Variants in TPO observed in about 807,000 individuals in gnomAD.
The protein encoded by TPO is thyroid peroxidase, also known as thyroid microsomal antigen.
Under a neutral mutation model 96.9 loss-of-function variants are expected in TPO, and 78 were observed. That is an observed-to-expected ratio of 0.81 (90% CI 0.67 to 0.97). The LOEUF (loss-of-function observed/expected upper bound fraction) is 0.97, where lower values mean the gene tolerates loss of function less well. TPO is among the 50% of genes least tolerant of loss of function. The probability of loss-of-function intolerance (pLI) is 0.00; values close to 1 mark genes in which losing one functional copy is unlikely to be tolerated. For missense variants in TPO, 1,252 were observed against 1,274.8 expected (o/e 0.98, Z 0.27); for synonymous variants, 547 against 538.0 (o/e 1.02, Z -0.23).
chr2:1,486,783 C>G (rs899087180), intron 9 of TPO, among the ~76,000 whole-genome samples: 1 of 151,630 alleles, frequency 6.6e-6, no homozygotes, highest in South Asian at 2.1e-4. Context: ...AAAAGTTGAC[C>G]GGCTCCAGGC....
chr2:1,477,750 G>T (rs939793941), intron 8 of TPO, 146 bp downstream of exon 8: 50 of 1,369,020 alleles, frequency 3.7e-5, no homozygotes, highest in Non-Finnish European at 4.6e-5. Flanking sequence ...AGGTCGTGGG[G>T]CCCTGTGTGG....
intron 15 of TPO, among the ~76,000 whole-genome samples, chr2:1,540,114 T>G (rs2125348878): frequency 1.3e-5 from 2 of 152,258 alleles, no homozygotes; most frequent in East Asian, 1.9e-4. Flanking sequence ...GCCTCCACCC[T>G]TGCTCCTCTG....
Position 1,540,720 on chromosome 2 carries a change from G to A in TPO, c.2745G>A (p.Glu915=). The change falls in exon 16 of 17, where the codon GAG becomes GAA. Residue 915 remains glutamate (E), a synonymous_variant. Transcript: ENST00000329066. ...SPQRAAAQDS[E]QESAGMEGRD... ...AGCGGGCCGCAGCTCAGGACTCGGA[G>A]CAGGTGGGCCACACCATGCCGCATG... is the stretch of plus-strand genomic sequence containing the variant. 1 of 1,613,368 alleles carries A rather than the reference G, an allele frequency of 6.2e-7. No individual in the cohort carries two copies. Among genetic ancestry groups the A allele is most frequent in the Admixed American group, 1.7e-5 (1 of 60,032 alleles).
chr2:1,448,385 C>G (rs548054185), intron 5 of TPO, among the ~76,000 whole-genome samples: 3 of 152,202 alleles, frequency 2.0e-5, no homozygotes, highest in Non-Finnish European at 4.4e-5. Context: ...CCTCCCGACC[C>G]GAGGGTCGGC....
intron 3 of TPO, among the ~76,000 whole-genome samples, chr2:1,423,500 A>G (rs1163071008): frequency 6.6e-6 from 1 of 152,222 alleles, no homozygotes. Flanking sequence ...TAACTGTAAC[A>G]TTACCTGTGG....
At chr2:1,454,657 G>A (rs1254416040) in intron 6 of TPO, among the ~76,000 whole-genome samples, 1 of 152,106 alleles carries the variant, frequency 6.6e-6, no homozygotes, top group East Asian at 1.9e-4. Flanking sequence ...CCTGCAAGTC[G>A]CTTTCCTTCT....
At chr2:1,509,515 ACCTCTTGTTTCAGGCACAGGATAC>A in intron 14 of TPO, among the ~76,000 whole-genome samples, 1 of 123,672 alleles carries the variant, frequency 8.1e-6, no homozygotes, top group East Asian at 2.6e-4. Context: ...GGAAACCACA[ACCTCTTGTTTCAGGCACAGGATAC>A]CCTCTTGTTT....
intron 15 of TPO, among the ~76,000 whole-genome samples, chr2:1,537,660 A>C (rs1309072843): frequency 9.9e-6 from 1 of 101,510 alleles, no homozygotes; most frequent in Non-Finnish European, 1.9e-5. Flanking sequence ...CAATGTGTGC[A>C]ACCTCCGCAA....
chr2:1,387,518 G>A (rs532544849), intron 1 of TPO, among the ~76,000 whole-genome samples: 19 of 152,242 alleles, frequency 1.2e-4, no homozygotes, highest in African/African-American at 4.6e-4. Context: ...ACTGAAGCTT[G>A]TGCATTCATC....
Position 1,542,635 on chromosome 2 carries a change from A to AATGTT in TPO, c.*164_*168dup, listed in dbSNP as rs1558451477. On this transcript the variant is annotated 3_prime_UTR_variant, in exon 17 of 17. Coordinates refer to ENST00000329066, the MANE Select transcript of TPO (RefSeq NM_001206744.2). Reference sequence around the variant, plus strand: ...AGTTACTCTCAGGCATGGATGAATAAATGTTATAGCTGCATTTGTCTGGCC... The same window carrying AATGTT: ...AGTTACTCTCAGGCATGGATGAATAAATGTTATGTTATAGCTGCATTTGTCTGGCC... 1 of 1,546,578 alleles carries AATGTT rather than the reference A, an allele frequency of 6.5e-7. No homozygotes were observed. Among genetic ancestry groups the AATGTT allele is most frequent in the South Asian group, 1.2e-5 (1 of 83,008 alleles).
intron 1 of TPO, among the ~76,000 whole-genome samples, chr2:1,407,452 G>A (rs545934469): frequency 1.3e-5 from 2 of 152,188 alleles, no homozygotes; most frequent in Non-Finnish European, 2.9e-5. Flanking sequence ...CCAAGCAGAT[G>A]TGTCCTTTGT....
rs548426961 is a variant in TPO, at chr2:1,383,194, G to A, written n.180+8792G>A. Among the ~76,000 whole-genome samples, 180 of 152,190 alleles carry A rather than the reference G, an allele frequency of 1.2e-3. 1 individual carries two copies. Among genetic ancestry groups the A allele is most frequent in the African/African-American group, 3.9e-3 (161 of 41,536 alleles). On this transcript the variant is annotated intron_variant and non_coding_transcript_variant, in intron 1 of 5. Coordinates refer to the TPO transcript ENST00000497517. ...AGTGCCGCAATAAACACAAGTGTGC[G>A]TGTGTCTTTATAGCAGCATGATTTA... is the stretch of plus-strand genomic sequence containing the variant.
intron 11 of TPO, 70 bp from the exon 12 acceptor site, chr2:1,495,919 C>T: frequency 6.6e-7 from 1 of 1,517,854 alleles, no homozygotes; most frequent in South Asian, 1.2e-5. Context: ...CTGTGGGCAG[C>T]TGGTCTTGAG....
In TPO at chr2:1,540,828, T is replaced by C. The variant is rs1558448487; in HGVS notation, c.2748+105T>C. 3.8e-6 allele frequency: 6 copies of C among 1,593,766 alleles called. No individual in the cohort carries two copies. The South Asian group carries it at 6.8e-5, about 18-fold the overall frequency. ...GGGCTCCCTGCATATTTCTGTTTACTCCGTGTTTCCTAGTCCGTTCTGCAC... is the reference window on the plus strand; with the variant it reads ...GGGCTCCCTGCATATTTCTGTTTACCCCGTGTTTCCTAGTCCGTTCTGCAC... On this transcript the variant is annotated intron_variant, in intron 16 of 16. Coordinates refer to ENST00000329066, the MANE Select transcript of TPO (RefSeq NM_001206744.2).
At chr2:1,380,018 G>A (rs1463635158) in intron 1 of TPO, among the ~76,000 whole-genome samples, 5 of 152,124 alleles carry the variant, frequency 3.3e-5, no homozygotes, top group African/African-American at 2.4e-5. Flanking sequence ...TATGTCAAAT[G>A]TGACTTTAAA....
At chr2:1,481,329 G>A (rs1334003620) in intron 8 of TPO, among the ~76,000 whole-genome samples, 1 of 152,222 alleles carries the variant, frequency 6.6e-6, no homozygotes, top group Non-Finnish European at 1.5e-5. Flanking sequence ...CCATCCTCGG[G>A]GAGTCTGGGT....
intron 5 of TPO, among the ~76,000 whole-genome samples, chr2:1,448,945 T>C (rs929678523): frequency 2.0e-5 from 3 of 152,140 alleles, no homozygotes; most frequent in African/African-American, 4.8e-5. Context: ...CCCTCCCGGA[T>C]GCACAGAGAA....
At chr2:1,449,142 G>T (rs1250844309) in intron 5 of TPO, among the ~76,000 whole-genome samples, 4 of 152,124 alleles carry the variant, frequency 2.6e-5, no homozygotes, top group Admixed American at 6.5e-5. Flanking sequence ...TTCCATATGG[G>T]TATTTAAGTT....
rs1449137861 is a variant in TPO, at chr2:1,525,581, C to T, written c.2618+8599C>T. On this transcript the variant is annotated intron_variant, in intron 15 of 16. Coordinates refer to ENST00000329066, the MANE Select transcript of TPO (RefSeq NM_001206744.2). ...CCCACTGTGTGCAAACCCCCCAAAT[C>T]TCCCTATGACCAAAACCACAAATCC... is the stretch of plus-strand genomic sequence containing the variant. 5.6e-5 allele frequency among the ~76,000 whole-genome samples: 6 copies of T among 107,704 alleles called. 1 individual carries two copies. The highest frequency in any genetic ancestry group is 1.1e-4 in the African/African-American group (3 of 26,968). The allele number at this position is 107,704 out of a possible 152,430, so 70.7% of individuals were successfully genotyped here. A position where few individuals can be genotyped will look rare whatever the true frequency, so the allele number is the denominator to read the frequency against.
Sources: gnomAD v4.1 joint callset for allele counts (sites outside exome capture counted in the v4.1 genomes callset) on GRCh38, gnomAD v4.1.1 for gene constraint, MANE v1.5 for transcripts, NCBI Gene and HGNC (gene_info 2026-07-23, HGNC 2026-07-21) for gene names.